Variants in HERC2 observed in about 807,000 individuals in gnomAD.
HERC2 encodes HECT and RLD domain containing E3 ubiquitin protein ligase 2.
HERC2 carries 102 observed loss-of-function variants against 537.7 expected under a neutral mutation model. That is an observed-to-expected ratio of 0.19 (90% CI 0.16 to 0.22). HERC2 has a LOEUF of 0.22. Among genes scored for constraint, HERC2 ranks in the 10% least tolerant of loss-of-function variants. The pLI, the probability that HERC2 is intolerant of heterozygous loss-of-function variation, is 1.00. For synonymous variants in HERC2, 2,224 were observed against 2,466.2 expected (o/e 0.90, Z 2.91); for missense variants, 4,236 against 6,198.2 (o/e 0.68, Z 10.63).
At chr15:28,151,998 T>G (rs866986340) in intron 70 of HERC2, among the ~76,000 whole-genome samples, 1 of 152,178 alleles carries the variant, frequency 6.6e-6, no homozygotes, top group Non-Finnish European at 1.5e-5. Context: ...CATGGGCCAA[T>G]AGCCTCGGGT....
chr15:28,254,316 T>C lies in HERC2; in HGVS notation c.3050+24A>G, dbSNP rs753487435. On this transcript the variant is annotated intron_variant, in intron 20 of 92. Coordinates refer to ENST00000261609, the MANE Select transcript of HERC2 (RefSeq NM_004667.6). ...AAAAAAGTAAATAAATAACATATAA[T>C]ACAATACAGCTACTACGATTTACCT... 13 of 1,506,458 alleles carry C rather than the reference T, an allele frequency of 8.6e-6. No homozygotes were observed. The South Asian group carries it at 1.6e-4, about 18-fold the overall frequency. The allele number at this position is 1,506,458 out of a possible 1,614,324, so 93.3% of individuals were successfully genotyped here.
intron 35 of HERC2, among the ~76,000 whole-genome samples, chr15:28,225,504 T>C (rs1284602524): frequency 3.3e-5 from 5 of 151,932 alleles, no homozygotes; most frequent in Non-Finnish European, 7.4e-5. Context: ...GAGACCATCC[T>C]GGTCAACACG....
In HERC2 at chr15:28,121,387, C is replaced by T. The variant is rs1377760833; in HGVS notation, c.13231G>A (p.Asp4411Asn). The T allele has an allele frequency of 3.1e-6, 5 of 1,614,066 alleles. No homozygotes were observed. In the Admixed American group the frequency reaches 6.7e-5, roughly 22 times the overall value. The change falls in exon 86 of 93, where the codon GAT (aspartate) becomes AAT (asparagine). Residue 4411 changes from aspartate (D) to asparagine (N), a missense_variant. This residue lies in a region of HERC2 where 189 missense variants were observed against 255.7 expected (regional missense o/e 0.74). Coordinates refer to ENST00000261609, the MANE Select transcript of HERC2 (RefSeq NM_004667.6). Reference sequence around the variant, plus strand: ...TCCACGACGGGGCCATGCTGACGATCGCGTACCATAGTTGCTTGTACTACT... The same window carrying T: ...TCCACGACGGGGCCATGCTGACGATTGCGTACCATAGTTGCTTGTACTACT... ...RKVVQATMVR[D>N]RQHGPVVELN...
chr15:28,250,389 G>C (rs563209749), intron 20 of HERC2, among the ~76,000 whole-genome samples: 1 of 152,042 alleles, frequency 6.6e-6, no homozygotes, highest in Non-Finnish European at 1.5e-5. Flanking sequence ...ACAAGAAACA[G>C]GTCTAGAATC....
Position 28,211,042 on chromosome 15 carries a change from C to T in HERC2, c.7029G>A (p.Leu2343=). The change falls in exon 44 of 93, where the codon CTG becomes CTA. Residue 2343 remains leucine (L), a synonymous_variant. Transcript: ENST00000261609. ...CAGTCTCCTGAACAGCTGGCTGAGA[C>T]AGGATCTGCCGCAGTTTATCCTGGT... The part of the protein sequence containing the change: ...LSHQDKLRQI[L]SQPAVQETGT... 1 of 1,610,854 alleles carries T rather than the reference C, an allele frequency of 6.2e-7. No homozygotes were observed. Among genetic ancestry groups the T allele is most frequent in the South Asian group, 1.1e-5 (1 of 90,958 alleles).
chr15:28,245,566 TACACACACACACACACACAC>T (rs200862998), intron 23 of HERC2, among the ~76,000 whole-genome samples: 16 of 119,224 alleles, frequency 1.3e-4, no homozygotes, highest in African/African-American at 3.5e-4. Context: ...AAAAAATATA[TACACACACACACACACACAC>T]ACACACACAC....
chr15:28,200,998 G>C (rs1157074095), intron 48 of HERC2, among the ~76,000 whole-genome samples: 1 of 146,758 alleles, frequency 6.8e-6, no homozygotes, highest in African/African-American at 2.5e-5. Context: ...TATGTAGGAA[G>C]TGTCACAAGT....
chr15:28,258,976 T>C (rs991762224), intron 16 of HERC2, among the ~76,000 whole-genome samples: 2 of 152,184 alleles, frequency 1.3e-5, no homozygotes, highest in African/African-American at 2.4e-5. Context: ...TCAGACAACG[T>C]AGATGAAGTA....
In HERC2 at chr15:28,219,830, A is replaced by T. The variant is rs138605797; in HGVS notation, c.5845+622T>A. On this transcript the variant is annotated intron_variant, in intron 37 of 92. Coordinates refer to ENST00000261609, the MANE Select transcript of HERC2 (RefSeq NM_004667.6). The stretch of plus-strand genomic sequence containing the variant: ...ACCAAACCCAGCCATGTGAAGCTTC[A>T]CATGTCTTTTAGGAACAGCTAAGAA... 7.2e-5 allele frequency among the ~76,000 whole-genome samples: 11 copies of T among 152,220 alleles called. No homozygotes were observed. The East Asian group carries it at 2.1e-3, about 29-fold the overall frequency.
chr15:28,145,243 T>C (rs1210265234), intron 71 of HERC2, among the ~76,000 whole-genome samples: 1 of 152,210 alleles, frequency 6.6e-6, no homozygotes, highest in East Asian at 1.9e-4. Flanking sequence ...AAAAGGCCTA[T>C]GTGTGTGGTT....
intron 55 of HERC2, chr15:28,190,615 G>A (rs1896771091): frequency 7.5e-6 from 2 of 264,918 alleles, no homozygotes; most frequent in Non-Finnish European, 1.4e-5. Flanking sequence ...TCACATATAT[G>A]GTCAGGAAAA....
At chr15:28,191,304 C>T (rs1896833173) in intron 53 of HERC2, 60 bp from the exon 54 acceptor site, 1 of 1,022,614 alleles carries the variant, frequency 9.8e-7, no homozygotes, top group Non-Finnish European at 1.5e-6. Context: ...ATTTTAGCTA[C>T]TACAATAGTA....
chr15:28,173,930 G>A lies in HERC2; in HGVS notation c.10057+465C>T, dbSNP rs1274097291. Among the ~76,000 whole-genome samples, 7 of 152,034 alleles carry A rather than the reference G, an allele frequency of 4.6e-5. No individual in the cohort carries two copies. The East Asian group carries it at 9.6e-4, about 21-fold the overall frequency. On this transcript the variant is annotated intron_variant, in intron 65 of 92. Transcript: ENST00000261609. Reference sequence around the variant, plus strand: ...AAAGCAAAAGGGAGGGGTACAGAGGGCCAGAGAGGAACGCTGGGGTAGTGT... The same window carrying A: ...AAAGCAAAAGGGAGGGGTACAGAGGACCAGAGAGGAACGCTGGGGTAGTGT...
rs994700964 is a variant in HERC2, at chr15:28,118,703, C to T, written c.13273-1549G>A. ...GCCCATCATCGCAGCCATGGGGTGGCGGGTTGGAGGCGCCTGTGCAGCCTT... is the reference window on the plus strand; with the variant it reads ...GCCCATCATCGCAGCCATGGGGTGGTGGGTTGGAGGCGCCTGTGCAGCCTT... On this transcript the variant is annotated intron_variant, in intron 86 of 92. Transcript: ENST00000261609. Among the ~76,000 whole-genome samples the T allele has an allele frequency of 3.9e-5, 6 of 152,182 alleles. 1 individual carries two copies. Among genetic ancestry groups the T allele is most frequent in the African/African-American group, 1.2e-4 (5 of 41,454 alleles).
At chr15:28,134,273 A>G (rs1890389687) in intron 79 of HERC2, among the ~76,000 whole-genome samples, 1 of 152,216 alleles carries the variant, frequency 6.6e-6, no homozygotes, top group Non-Finnish European at 1.5e-5. Flanking sequence ...CTGGTTACGT[A>G]TATGTATACG....
intron 11 of HERC2, among the ~76,000 whole-genome samples, 159 bp downstream of exon 11, chr15:28,269,089 A>T (rs1441597450): frequency 2.0e-5 from 3 of 152,248 alleles, no homozygotes; most frequent in Admixed American, 6.5e-5. Context: ...AAATCTTGAC[A>T]ATATTACAAC....
rs763621496 is a variant in HERC2, at chr15:28,272,995, G to A, written c.810C>T (p.His270=). The change falls in exon 8 of 93, where the codon CAC becomes CAT. Residue 270 remains histidine (H), a synonymous_variant. Transcript: ENST00000261609. ...FLRSVVTGDV[H]GTPATKGPGS... ...CTGGCCCTTTGGTGGCTGGCGTTCC[G>A]TGAACATCCCTGAAATGAAAGCAGT... The A allele has an allele frequency of 1.7e-5, 27 of 1,611,916 alleles. No individual in the cohort carries two copies. Among genetic ancestry groups the A allele is most frequent in the African/African-American group, 5.3e-5 (4 of 74,874 alleles).
Position 28,260,842 on chromosome 15 carries a change from C to T in HERC2, c.2251G>A (p.Glu751Lys), listed in dbSNP as rs2075397283. 1.2e-6 allele frequency: 2 copies of T among 1,614,262 alleles called. No individual in the cohort carries two copies. Among genetic ancestry groups the T allele is most frequent in the African/African-American group, 1.3e-5 (1 of 75,074 alleles). Residue 751 changes from glutamate (E) to lysine (K), a missense_variant, in exon 16 of 93, where the codon GAA (glutamate) becomes AAA (lysine). By Grantham distance (56) the Glu-to-Lys change is moderately conservative (BLOSUM62 1). Transcript: ENST00000261609. Reference protein sequence around the residue: ...HFDTLRVTKPEPAALPGLDTK... With the variant: ...HFDTLRVTKPKPAALPGLDTK... ...TCCAGTCCTGGCAATGCTGCAGGTT[C>T]TGGCTTGGTCACGCGCAAGGTGTCA...
intron 2 of HERC2, among the ~76,000 whole-genome samples, chr15:28,313,565 G>A (rs1206322310): frequency 2.0e-5 from 3 of 152,166 alleles, no homozygotes; most frequent in African/African-American, 4.8e-5. Flanking sequence ...TTAATGTATA[G>A]GTTAGAAAAT....
Sources: gnomAD v4.1 joint callset for allele counts (sites outside exome capture counted in the v4.1 genomes callset) on GRCh38, gnomAD v4.1.1 for gene constraint, gnomAD v4.1.1 regional missense constraint, MANE v1.5 for transcripts, NCBI Gene and HGNC (gene_info 2026-07-23, HGNC 2026-07-21) for gene names.